The following TMEM132B variants were observed in gnomAD, a reference collection of about 807,000 sequenced individuals.
The protein encoded by TMEM132B is transmembrane protein 132B.
In TMEM132B, 18 loss-of-function variants were observed where a neutral mutation model predicts 90.8. That is an observed-to-expected ratio of 0.20 (90% CI 0.14 to 0.29). TMEM132B has a LOEUF of 0.29. TMEM132B is among the 10% of genes least tolerant of loss of function. The pLI is 1.00. For synonymous variants in TMEM132B, 504 were observed against 523.3 expected (o/e 0.96, Z 0.50); for missense variants, 1,096 against 1,326.8 (o/e 0.83, Z 2.70).
intron 3 of TMEM132B, among the ~76,000 whole-genome samples, chr12:125,477,192 G>A (rs977369503): frequency 1.3e-5 from 2 of 151,990 alleles, no homozygotes; most frequent in Non-Finnish European, 2.9e-5. Context: ...CTGGGTTTTG[G>A]ATCAAATGTG....
At chr12:125,282,305 C>T (rs150189510) in intron 1 of TMEM132B, among the ~76,000 whole-genome samples, 236 of 152,222 alleles carry the variant, frequency 1.6e-3, no homozygotes, top group Middle Eastern at 0.01. Context: ...CTGGTGCCCC[C>T]GCCTTCCCCG....
intron 3 of TMEM132B, among the ~76,000 whole-genome samples, chr12:125,508,865 A>C (rs1592963001): frequency 1.4e-5 from 2 of 144,046 alleles, no homozygotes. Context: ...TGCAACCTCT[A>C]CCTCCCAGGT....
intron 3 of TMEM132B, among the ~76,000 whole-genome samples, chr12:125,503,793 C>T (rs1439599728): frequency 5.3e-5 from 8 of 152,236 alleles, no homozygotes; most frequent in Non-Finnish European, 8.8e-5. Flanking sequence ...TTCACACTTG[C>T]TCCTCAGGCC....
chr12:125,378,016 G>A (rs1878546215), intron 2 of TMEM132B, among the ~76,000 whole-genome samples: 2 of 152,194 alleles, frequency 1.3e-5, no homozygotes, highest in Non-Finnish European at 2.9e-5. Context: ...AAGGGGAGGT[G>A]TCACTTGATC....
chr12:125,592,790 C>T (rs1329728508), intron 5 of TMEM132B, among the ~76,000 whole-genome samples: 1 of 152,154 alleles, frequency 6.6e-6, no homozygotes, highest in Non-Finnish European at 1.5e-5. Context: ...GAGAGGCGCA[C>T]CTGAGCTGAT....
chr12:125,520,191 G>A (rs1263365476), intron 4 of TMEM132B, among the ~76,000 whole-genome samples: 3 of 152,138 alleles, frequency 2.0e-5, no homozygotes, highest in Non-Finnish European at 4.4e-5. Context: ...TTGAAGTTAC[G>A]TTCATAGTCA....
chr12:125,620,090 T>C (rs999560796), intron 5 of TMEM132B, among the ~76,000 whole-genome samples: 2 of 152,226 alleles, frequency 1.3e-5, no homozygotes, highest in Non-Finnish European at 2.9e-5. Flanking sequence ...ATAGTTGCGA[T>C]GTGTCAGCAG....
chr12:125,475,852 CTT>C (rs1484480826), intron 3 of TMEM132B, among the ~76,000 whole-genome samples: 1 of 152,184 alleles, frequency 6.6e-6, no homozygotes, highest in Non-Finnish European at 1.5e-5. Context: ...AGTAAATGAT[CTT>C]GTTTCCTGTC....
At chr12:125,506,710 A>G (rs534959099) in intron 3 of TMEM132B, among the ~76,000 whole-genome samples, 127 of 152,368 alleles carry the variant, frequency 8.3e-4, no homozygotes, top group African/African-American at 3.0e-3. Context: ...GATAGAAGTC[A>G]TCTCTGACAT....
chr12:125,471,365 A>G (rs1593162858), intron 3 of TMEM132B, among the ~76,000 whole-genome samples: 1 of 152,194 alleles, frequency 6.6e-6, no homozygotes, highest in Non-Finnish European at 1.5e-5. Flanking sequence ...CACAGAGGTA[A>G]TTACCAGAGT....
chr12:125,434,391 G>T (rs1161438049), intron 3 of TMEM132B, among the ~76,000 whole-genome samples: 1 of 152,190 alleles, frequency 6.6e-6, no homozygotes, highest in African/African-American at 2.4e-5. Flanking sequence ...ATTAGGACGT[G>T]GCTGTCTTAT....
intron 3 of TMEM132B, among the ~76,000 whole-genome samples, chr12:125,504,019 A>G (rs1339847595): frequency 6.6e-6 from 1 of 152,226 alleles, no homozygotes; most frequent in Non-Finnish European, 1.5e-5. Context: ...AATTAATACA[A>G]TGGGCCAAGT....
intron 5 of TMEM132B, among the ~76,000 whole-genome samples, chr12:125,608,008 G>T (rs1885738164): frequency 6.6e-6 from 1 of 152,164 alleles, no homozygotes; most frequent in African/African-American, 2.4e-5. Flanking sequence ...CAATTGGGTT[G>T]ATTTCACTTT....
chr12:125,494,257 C>T (rs1882453014), intron 3 of TMEM132B, among the ~76,000 whole-genome samples: 2 of 135,752 alleles, frequency 1.5e-5, no homozygotes, highest in African/African-American at 2.8e-5. Context: ...CCTCTTCCCC[C>T]TCCTCCCTGG....
chr12:125,399,234 G>A (rs528171361), intron 2 of TMEM132B, among the ~76,000 whole-genome samples: 2 of 152,254 alleles, frequency 1.3e-5, no homozygotes, highest in Admixed American at 6.5e-5. Context: ...CACACTCAAG[G>A]GAAACAGATT....
At chr12:125,371,840 GT>G (rs1223594971) in intron 2 of TMEM132B, among the ~76,000 whole-genome samples, 3 of 152,170 alleles carry the variant, frequency 2.0e-5, no homozygotes, top group Non-Finnish European at 4.4e-5. Context: ...GTATTGTTTG[GT>G]TAAGAATTTT....
chr12:125,581,380 G>T (rs537261624), intron 4 of TMEM132B, among the ~76,000 whole-genome samples: 1 of 152,266 alleles, frequency 6.6e-6, no homozygotes, highest in Non-Finnish European at 1.5e-5. Context: ...ACAGACTTCA[G>T]GTATAGTTGG....
At chr12:125,519,679 A>T (rs923632957) in intron 4 of TMEM132B, 54 bp downstream of exon 4, 3 of 1,555,696 alleles carry the variant, frequency 1.9e-6, no homozygotes, top group Non-Finnish European at 2.7e-6. Flanking sequence ...TTCTTTAAAC[A>T]TGATGCACTG....
At chr12:125,267,568 T>C (rs1479977116) in intron 1 of TMEM132B, among the ~76,000 whole-genome samples, 1 of 152,160 alleles carries the variant, frequency 6.6e-6, no homozygotes, top group African/African-American at 2.4e-5. Context: ...GATAGGCACA[T>C]TGTCACACAG....
Sources: gnomAD v4.1 joint callset for allele counts (sites outside exome capture counted in the v4.1 genomes callset) on GRCh38, gnomAD v4.1.1 for gene constraint, MANE v1.5 for transcripts, NCBI Gene and HGNC (gene_info 2026-07-23, HGNC 2026-07-21) for gene names.